Variants in NLRP8 observed in about 807,000 individuals in gnomAD.
NLRP8 encodes NACHT, LRR and PYD domains-containing protein 8.
NLRP8 carries 86 observed loss-of-function variants against 88.7 expected under a neutral mutation model. That is an observed-to-expected ratio of 0.97 (90% CI 0.81 to 1.16). The LOEUF is 1.16. NLRP8 is among the 50% of genes most tolerant of loss of function. The pLI, the probability that NLRP8 is intolerant of heterozygous loss-of-function variation, is 0.00. For missense variants in NLRP8, 1,342 were observed against 1,286.5 expected, an observed-to-expected ratio of 1.04 and a Z score of -0.66; for synonymous variants, 504 against 494.6, an observed-to-expected ratio of 1.02 and a Z score of -0.25.
intron 6 of NLRP8, 23 bp downstream of exon 6, chr19:55,970,719 G>C: frequency 1.2e-6 from 2 of 1,609,750 alleles, no homozygotes; most frequent in Non-Finnish European, 1.7e-6. Context: ...TCTAGTGGCT[G>C]TGGTTGTGGT....
At chr19:55,973,506 T>G (rs1980168823) in intron 6 of NLRP8, 146 bp from the exon 7 acceptor site, 3 of 630,800 alleles carry the variant, frequency 4.8e-6, no homozygotes, top group Non-Finnish European at 7.7e-6. Flanking sequence ...GTCCTTTCCT[T>G]GAAAGCTTGG....
chr19:55,983,026 A>C (rs1980638554), intron 9 of NLRP8, among the ~76,000 whole-genome samples: 2 of 152,206 alleles, frequency 1.3e-5, no homozygotes, highest in South Asian at 4.1e-4. Context: ...CAAATCTGGA[A>C]TAATTTAATG....
intron 3 of NLRP8, 127 bp downstream of exon 3, chr19:55,956,227 C>A: frequency 1.1e-6 from 1 of 944,454 alleles, no homozygotes; most frequent in Non-Finnish European, 1.6e-6. Flanking sequence ...TTGCACAGTA[C>A]TTCTGTTGCT....
chr19:55,988,426 A>ATATGTGTGTG lies in NLRP8; in HGVS notation c.*516_*517insGTGTGTGTAT, dbSNP rs1980961462. ...AAAAAAAAAATACATATACACATAAATATATATATGTGTGTGTGTATATAT... is the reference window on the plus strand; with the variant it reads ...AAAAAAAAAATACATATACACATAAATATGTGTGTGTATATATATGTGTGTGTGTATATAT... On this transcript the variant is annotated 3_prime_UTR_variant, in exon 10 of 10. Transcript: ENST00000291971. The ATATGTGTGTG allele has an allele frequency of 1.5e-5, 1 of 68,888 alleles. No homozygotes were observed. Among genetic ancestry groups the ATATGTGTGTG allele is most frequent in the African/African-American group, 7.5e-5 (1 of 13,372 alleles). The allele number at this position is 68,888 out of a possible 1,614,324, so 4.3% of individuals were successfully genotyped here.
In NLRP8 at chr19:55,973,680, A is replaced by G. The variant is rs781742458; in HGVS notation, c.2563A>G (p.Thr855Ala). 1.2e-6 allele frequency: 2 copies of G among 1,613,682 alleles called. No homozygotes were observed. Among genetic ancestry groups the G allele is most frequent in the Non-Finnish European group, 8.5e-7 (1 of 1,179,696 alleles). The change falls in exon 7 of 10, where the codon ACT (threonine) becomes GCT (alanine). Residue 855 changes from threonine to alanine, a missense_variant. Physicochemically the swap from Thr to Ala is moderately conservative, Grantham distance 58. Transcript: ENST00000291971. ...AGAGAACTGCAACCTTACACAGCTT[A>G]CTTGTGAAAGCCTTGCCTCCTGTCT...
intron 1 of NLRP8, among the ~76,000 whole-genome samples, chr19:55,951,818 T>C (rs1357541167): frequency 6.6e-6 from 1 of 152,208 alleles, no homozygotes; most frequent in East Asian, 1.9e-4. Context: ...GGTATGATCA[T>C]GGCTCCCTTC....
chr19:55,955,928 C>A lies in NLRP8; in HGVS notation c.1870C>A (p.Gln624Lys), dbSNP rs781208847. 29 of 1,614,038 alleles carry A rather than the reference C, an allele frequency of 1.8e-5. No individual in the cohort carries two copies. The South Asian group carries it at 2.2e-4, about 12-fold the overall frequency. ...AATCCGGGAGGAAGCCTTTGTAAGC[C>A]AAGCCCTAAATGATTATCATAAAGT... Residue 624 changes from glutamine (Q) to lysine (K), a missense_variant, in exon 3 of 10, where the codon CAA becomes AAA. By Grantham distance (53) the Gln-to-Lys change is moderately conservative. Transcript: ENST00000291971.
In NLRP8 at chr19:55,962,228, A is replaced by G. The variant is rs1979646349; in HGVS notation, c.2204A>G (p.Gln735Arg). The G allele has an allele frequency of 6.2e-7, 1 of 1,613,238 alleles. No homozygotes were observed. Among genetic ancestry groups the G allele is most frequent in the Non-Finnish European group, 8.5e-7 (1 of 1,179,816 alleles). ...CTGAGGCACCCTCAGTGCAAACTGC[A>G]AAAGCTACTGTGAGTATAACACAAA... Residue 735 changes from glutamine to arginine, a missense_variant, in exon 4 of 10, where the codon CAA becomes CGA. By Grantham distance (43) the Gln-to-Arg change is conservative (BLOSUM62 1). Transcript: ENST00000291971.
chr19:55,957,675 ATATATATATAT>A lies in NLRP8; in HGVS notation c.2042+1576_2042+1586del, dbSNP rs1979426033. Among the ~76,000 whole-genome samples, 103 of 105,568 alleles carry A rather than the reference ATATATATATAT, an allele frequency of 9.8e-4. 7 individuals carry two copies. Among genetic ancestry groups the A allele is most frequent in the African/African-American group, 4.4e-3 (96 of 21,872 alleles). 69.3% of individuals were successfully genotyped at this position (105,568 alleles called of 152,430 possible). On this transcript the variant is annotated intron_variant, in intron 3 of 9. Coordinates refer to ENST00000291971, the MANE Select transcript of NLRP8 (RefSeq NM_176811.2). Reference sequence around the variant, plus strand: ...TCTTAAAAAAGAAAAAATAATAATTATATATATATATATATATATATATATATATATATATA... The same window carrying A: ...TCTTAAAAAAGAAAAAATAATAATTAATATATATATATATATATATATATA...
chr19:55,973,042 T>G (rs946383977), intron 6 of NLRP8, among the ~76,000 whole-genome samples: 8 of 152,218 alleles, frequency 5.3e-5, no homozygotes, highest in Non-Finnish European at 1.2e-4. Flanking sequence ...ATCTCCACAC[T>G]GTTTTCCACA....
At chr19:55,983,470 A>AG (rs1369764746) in intron 9 of NLRP8, among the ~76,000 whole-genome samples, 1 of 150,256 alleles carries the variant, frequency 6.7e-6, no homozygotes, top group East Asian at 1.9e-4. Flanking sequence ...TCTCAAAAAA[A>AG]AAAAAAAAAA....
chr19:55,982,620 C>T (rs958592173), intron 9 of NLRP8, among the ~76,000 whole-genome samples: 5 of 152,174 alleles, frequency 3.3e-5, no homozygotes, highest in Non-Finnish European at 7.3e-5. Context: ...GGGCTTGGAA[C>T]ATCTTGTGCC....
chr19:55,957,668 AATAATTAT>A (rs1323764557), intron 3 of NLRP8, among the ~76,000 whole-genome samples: 1 of 77,890 alleles, frequency 1.3e-5, no homozygotes, highest in African/African-American at 7.5e-5. Context: ...AAGAAAAAAT[AATAATTAT>A]ATATATATAT....
At chr19:55,975,100 A>G (rs984033487) in intron 7 of NLRP8, among the ~76,000 whole-genome samples, 15 of 152,150 alleles carry the variant, frequency 9.9e-5, no homozygotes, top group Non-Finnish European at 2.1e-4. Flanking sequence ...TGTTTGCTCT[A>G]GAGAGCTGGT....
intron 8 of NLRP8, among the ~76,000 whole-genome samples, chr19:55,978,669 C>G (rs181421546): frequency 6.6e-6 from 1 of 152,252 alleles, no homozygotes; most frequent in East Asian, 1.9e-4. Context: ...ATTTATGATA[C>G]ACGGCACCTC....
In NLRP8 at chr19:55,976,226, T is replaced by C. The variant is rs1980313393; in HGVS notation, c.2799T>C (p.Phe933=). Residue 933 remains phenylalanine (F), a synonymous_variant, in exon 8 of 10, where the codon TTT becomes TTC. Transcript: ENST00000291971. ...CCCTGAAAAGTCTTGACCTAAGTTT[T>C]AATAGCCTGAAGGATGATGGGGTGA... 6 of 1,613,814 alleles carry C rather than the reference T, an allele frequency of 3.7e-6. No individual in the cohort carries two copies. Among genetic ancestry groups the C allele is most frequent in the Admixed American group, 1.7e-5 (1 of 59,926 alleles).
Position 55,948,037 on chromosome 19 carries a change from G to A in NLRP8, c.135G>A (p.Met45Ile), listed in dbSNP as rs1468939739. Residue 45 changes from methionine (M) to isoleucine (I), a missense_variant, in exon 1 of 10, where the codon ATG becomes ATA. Met to Ile is a conservative substitution (Grantham distance 10). Transcript: ENST00000291971. ...GTGAAAATGGGGTCATGCTGTACAT[G>A]AGAAACGTGAGCCATGAGGAGCTAC... 1.2e-6 allele frequency: 2 copies of A among 1,614,084 alleles called. No homozygotes were observed. Among genetic ancestry groups the A allele is most frequent in the Admixed American group, 1.7e-5 (1 of 59,996 alleles).
At chr19:55,953,381 C>T (rs1426069980) in intron 2 of NLRP8, among the ~76,000 whole-genome samples, 4 of 152,102 alleles carry the variant, frequency 2.6e-5, no homozygotes, top group African/African-American at 4.8e-5. Flanking sequence ...ACACAATAAA[C>T]GTAATGCACT....
intron 4 of NLRP8, among the ~76,000 whole-genome samples, chr19:55,963,853 C>T (rs956732641): frequency 6.6e-6 from 1 of 152,146 alleles, no homozygotes; most frequent in Non-Finnish European, 1.5e-5. Flanking sequence ...TTGCAACCAG[C>T]CACTATTTTT....
Sources: allele counts gnomAD v4.1 joint callset (sites outside exome capture counted in the v4.1 genomes callset), GRCh38; gene constraint gnomAD v4.1.1; transcripts MANE v1.5; gene names NCBI Gene and HGNC (gene_info 2026-07-23, HGNC 2026-07-21).